Variants in FAS observed in about 807,000 individuals in gnomAD.
The protein encoded by FAS is tumor necrosis factor receptor superfamily member 6.
A neutral mutation model predicts 33.2 loss-of-function variants in FAS; 5 were observed. That is an observed-to-expected ratio of 0.15 (90% CI 0.08 to 0.32). The LOEUF (loss-of-function observed/expected upper bound fraction) is 0.32. FAS is among the 10% of genes least tolerant of loss of function. FAS has a pLI of 1.00. For synonymous variants in FAS, 131 were observed against 130.7 expected, an observed-to-expected ratio of 1.00 and a Z score of -0.01; for missense variants, 339 against 386.0, an observed-to-expected ratio of 0.88 and a Z score of 1.02.
At chr10:88,974,717 G>A (rs1846524716) in intron 2 of FAS, 1 of 152,158 alleles carries the variant, frequency 6.6e-6, no homozygotes, top group Admixed American at 6.5e-5. Context: ...CTTTGGCATA[G>A]TTCACTTAAG....
chr10:89,007,464 A>G (rs1848292193), intron 2 of FAS, among the ~76,000 whole-genome samples: 1 of 152,056 alleles, frequency 6.6e-6, no homozygotes, highest in African/African-American at 2.4e-5. Context: ...CCTGTTGCTA[A>G]TCATCCTATT....
At chr10:89,005,062 G>C (rs1848142346) in intron 2 of FAS, among the ~76,000 whole-genome samples, 1 of 151,852 alleles carries the variant, frequency 6.6e-6, no homozygotes. Flanking sequence ...AAATGTTGTT[G>C]ATGAATTTTG....
intron 1 of FAS, 37 bp from the exon 2 acceptor site, chr10:89,002,991 GA>G (rs765216140): frequency 1.9e-5 from 30 of 1,612,676 alleles, no homozygotes; most frequent in Non-Finnish European, 2.3e-5. Context: ...GCTTACTTCA[GA>G]AATCAATAAA....
In FAS at chr10:89,013,284, G is replaced by A. The variant is rs913402385; in HGVS notation, c.652-59G>A. 2.0e-6 allele frequency: 3 copies of A among 1,519,576 alleles called. No individual in the cohort carries two copies. The African/African-American group carries it at 4.1e-5, about 21-fold the overall frequency. The allele number at this position is 1,519,576 out of a possible 1,614,324, so 94.1% of individuals were successfully genotyped here. ...AGGAAAAATTAGAAGTTCACATTTAGAATATTCTAAAGATATATTTTTATT... is the reference window on the plus strand; with the variant it reads ...AGGAAAAATTAGAAGTTCACATTTAAAATATTCTAAAGATATATTTTTATT... On this transcript the variant is annotated intron_variant, in intron 7 of 8. Coordinates refer to ENST00000652046, the MANE Select transcript of FAS (RefSeq NM_000043.6).
intron 6 of FAS, 49 bp downstream of exon 6, chr10:89,010,864 A>G (rs1848496514): frequency 3.1e-6 from 5 of 1,602,852 alleles, no homozygotes; most frequent in Non-Finnish European, 4.3e-6. Context: ...CTTGGGAAGT[A>G]GTTCACAAAG....
At chr10:88,975,950 G>C (rs1400756734) in intron 2 of FAS, among the ~76,000 whole-genome samples, 1 of 152,150 alleles carries the variant, frequency 6.6e-6, no homozygotes, top group African/African-American at 2.4e-5. Context: ...TCATTTGGCT[G>C]ACAAATTAAT....
Position 89,014,614 on chromosome 10 carries a change from G to T in FAS, c.*164G>T, listed in dbSNP as rs1848702959. On this transcript the variant is annotated 3_prime_UTR_variant, in exon 9 of 9. Coordinates refer to ENST00000652046, the MANE Select transcript of FAS (RefSeq NM_000043.6). Reference sequence around the variant, plus strand: ...TAGATTTTTAATATCTCATGATTCTGCCTCCAAGGATGTTTAAAATCTAGT... The same window carrying T: ...TAGATTTTTAATATCTCATGATTCTTCCTCCAAGGATGTTTAAAATCTAGT... The T allele has an allele frequency of 3.8e-6, 3 of 790,384 alleles. No individual in the cohort carries two copies. In the South Asian group the frequency reaches 4.4e-5, roughly 12 times the overall value. The allele number at this position is 790,384 out of a possible 1,614,324, so 49.0% of individuals were successfully genotyped here.
intron 1 of FAS, among the ~76,000 whole-genome samples, chr10:88,992,812 C>T (rs1013027435): frequency 6.6e-4 from 101 of 152,124 alleles, no homozygotes; most frequent in African/African-American, 2.2e-3. Context: ...ATTGGTTTTG[C>T]GCTCACGACA....
rs150563493 is a variant in FAS at position 88,965,576 on chromosome 10, C to T, written n.95-7606C>T. ...AGGAGGTCAAACACATTAGGTATAC[C>T]AACATATCGACCACCAAAAGCCAAT... is the stretch of plus-strand genomic sequence containing the variant. On this transcript the variant is annotated intron_variant and non_coding_transcript_variant, in intron 1 of 3. Coordinates refer to the FAS transcript ENST00000688239. Among the ~76,000 whole-genome samples, 910 of 152,148 alleles carry T rather than the reference C, an allele frequency of 6.0e-3. 14 individuals are homozygous for T. The highest frequency in any genetic ancestry group is 0.021 in the African/African-American group (855 of 41,526).
At chr10:89,000,971 C>T (rs150198409) in intron 1 of FAS, among the ~76,000 whole-genome samples, 3 of 152,228 alleles carry the variant, frequency 2.0e-5, no homozygotes, top group East Asian at 1.9e-4. Flanking sequence ...GCTTGAATGC[C>T]GGAGGCAGAG....
intron 2 of FAS, among the ~76,000 whole-genome samples, chr10:88,979,297 G>A (rs80058056): frequency 0.12 from 18,503 of 151,936 alleles, 1,537 homozygotes; most frequent in East Asian, 0.29. Flanking sequence ...CGAGTTTCCC[G>A]GCTCTGCCGC....
chr10:89,010,466 C>A, intron 4 of FAS, 73 bp from the exon 5 acceptor site: 1 of 1,286,080 alleles, frequency 7.8e-7, no homozygotes, highest in Non-Finnish European at 1.1e-6. Context: ...CCCTAATTTA[C>A]AAAGTGCCAT....
intron 2 of FAS, among the ~76,000 whole-genome samples, chr10:88,979,279 G>A (rs1846651632): frequency 6.6e-6 from 1 of 151,776 alleles, no homozygotes; most frequent in Non-Finnish European, 1.5e-5. Context: ...AAAAAAAAAT[G>A]AGGTCAGCGA....
At position 89,014,418 on chromosome 10, in the gene FAS, A is replaced by T. The variant is rs770595930; in HGVS notation, c.976A>T (p.Asn326Tyr). The change falls in exon 9 of 9, where the codon AAC (asparagine) becomes TAC (tyrosine). Residue 326 changes from asparagine (N) to tyrosine (Y), a missense_variant. Coordinates refer to ENST00000652046, the MANE Select transcript of FAS (RefSeq NM_000043.6). ...CATTACTAGTGACTCAGAAAATTCA[A>T]ACTTCAGAAATGAAATCCAAAGCTT... is the stretch of plus-strand genomic sequence containing the variant. ...KDITSDSENS[N>Y]FRNEIQSLV The T allele has an allele frequency of 1.1e-5, 18 of 1,611,858 alleles. No homozygotes were observed. Among genetic ancestry groups the T allele is most frequent in the Non-Finnish European group, 1.5e-5 (18 of 1,179,922 alleles).
intron 2 of FAS, 147 bp downstream of exon 2, chr10:89,003,341 C>A: frequency 1.1e-6 from 1 of 901,120 alleles, no homozygotes; most frequent in Admixed American, 2.7e-5. Flanking sequence ...AAATTATTTT[C>A]CAAAGATGAG....
intron 1 of FAS, chr10:88,991,281 C>A: frequency 4.7e-6 from 2 of 424,910 alleles, no homozygotes; most frequent in Non-Finnish European, 8.8e-6. Flanking sequence ...GGAGGGGGAC[C>A]CCGGTTGGAG....
upstream of FAS, among the ~76,000 whole-genome samples, chr10:88,985,877 G>A (rs745321646): frequency 1.1e-4 from 17 of 152,202 alleles, no homozygotes; most frequent in Non-Finnish European, 2.5e-4. Context: ...CTTTCCAGAA[G>A]TATAATGCCC....
At chr10:88,978,346 A>G (rs1393702757) in intron 2 of FAS, among the ~76,000 whole-genome samples, 3 of 151,474 alleles carry the variant, frequency 2.0e-5, no homozygotes, top group African/African-American at 7.3e-5. Flanking sequence ...ACATGTATAC[A>G]TATGTAACTA....
At chr10:88,989,314 C>G (rs1847027219), upstream of FAS, among the ~76,000 whole-genome samples, 1 of 152,058 alleles carries the variant, frequency 6.6e-6, no homozygotes, top group African/African-American at 2.4e-5. Context: ...CCTTTCCTTC[C>G]CTCACACCCC....
Sources: gnomAD v4.1 joint callset for allele counts (sites outside exome capture counted in the v4.1 genomes callset) on GRCh38, gnomAD v4.1.1 for gene constraint, MANE v1.5 for transcripts, NCBI Gene and HGNC (gene_info 2026-07-23, HGNC 2026-07-21) for gene names.